ADGRL2: variants seen among roughly 807,000 people sequenced by gnomAD.
The protein encoded by ADGRL2 is calcium-independent alpha-latrotoxin receptor 2.
A neutral mutation model predicts 157.4 loss-of-function variants in ADGRL2; 44 were observed. The ratio of observed to expected loss-of-function variants is 0.28; its 90% CI spans 0.22 to 0.36. The LOEUF is 0.36. ADGRL2 is among the 10% of genes least tolerant of loss of function. ADGRL2 has a pLI of 1.00. For missense variants in ADGRL2, 1,510 were observed against 1,768.9 expected (o/e 0.85, Z 2.63); for synonymous variants, 585 against 624.7 (o/e 0.94, Z 0.95).
chr1:81,470,555 A>G (rs1161626123), intron 2 of ADGRL2, among the ~76,000 whole-genome samples: 1 of 152,266 alleles, frequency 6.6e-6, no homozygotes, highest in Non-Finnish European at 1.5e-5. Flanking sequence ...GCACTTTTCT[A>G]TGACAGCTTT....
At chr1:81,924,134 A>AT (rs1347740251) in intron 3 of ADGRL2, among the ~76,000 whole-genome samples, 1 of 152,158 alleles carries the variant, frequency 6.6e-6, no homozygotes, top group African/African-American at 2.4e-5. Flanking sequence ...TGTGTGGCTG[A>AT]TTCTTCCCGC....
chr1:81,684,724 G>C (rs1358772049), intron 3 of ADGRL2, among the ~76,000 whole-genome samples: 1 of 152,144 alleles, frequency 6.6e-6, no homozygotes, highest in Admixed American at 6.5e-5. Context: ...TGTCTAGAAG[G>C]GTTTTCCCAA....
At position 81,992,862 on chromosome 1, in the gene ADGRL2, A is replaced by G. The variant is rs1330619351; in HGVS notation, c.*1717A>G. 6.6e-6 allele frequency among the ~76,000 whole-genome samples: 1 copy of G among 151,638 alleles called. No individual in the cohort carries two copies. Among genetic ancestry groups the G allele is most frequent in the Admixed American group, 6.6e-5 (1 of 15,178 alleles). ...GTTTTACTCCAAGTTCAAAAATCATATAATTGAATATCAAGAAATAGATGT... is the reference window on the plus strand; with the variant it reads ...GTTTTACTCCAAGTTCAAAAATCATGTAATTGAATATCAAGAAATAGATGT... On this transcript the variant is annotated 3_prime_UTR_variant, in exon 24 of 24. Coordinates refer to ENST00000686636, the MANE Select transcript of ADGRL2 (RefSeq NM_001366006.2).
chr1:81,463,680 C>A (rs1179505890), intron 2 of ADGRL2, among the ~76,000 whole-genome samples: 1 of 152,088 alleles, frequency 6.6e-6, no homozygotes, highest in East Asian at 1.9e-4. Context: ...ATTAGTAAAA[C>A]ATGTAGACAG....
At chr1:81,726,848 A>G (rs537635188) in intron 1 of ADGRL2, among the ~76,000 whole-genome samples, 1 of 152,356 alleles carries the variant, frequency 6.6e-6, no homozygotes, top group East Asian at 1.9e-4. Flanking sequence ...TCAGGCCTGA[A>G]TAAGAATCCA....
intron 1 of ADGRL2, among the ~76,000 whole-genome samples, chr1:81,720,529 G>A (rs966356134): frequency 2.6e-5 from 4 of 151,886 alleles, no homozygotes; most frequent in Admixed American, 6.6e-5. Flanking sequence ...TCACCTGTTC[G>A]TTTTTTTAAA....
At chr1:81,804,723 C>T (rs1328181678) in intron 1 of ADGRL2, among the ~76,000 whole-genome samples, 1 of 152,114 alleles carries the variant, frequency 6.6e-6, no homozygotes, top group South Asian at 2.1e-4. Flanking sequence ...TTTTGGGGTC[C>T]CTTCAGTGTA....
chr1:81,498,379 C>T (rs747468626), intron 2 of ADGRL2, among the ~76,000 whole-genome samples: 25 of 151,810 alleles, frequency 1.6e-4, no homozygotes, highest in Non-Finnish European at 2.9e-4. Flanking sequence ...TTTTTATTAC[C>T]GCTGGTTAAA....
At chr1:81,924,268 G>A (rs533090472) in intron 3 of ADGRL2, among the ~76,000 whole-genome samples, 13 of 152,120 alleles carry the variant, frequency 8.5e-5, no homozygotes, top group Non-Finnish European at 1.5e-4. Context: ...CCTAAGCTCT[G>A]ATAATTTTCT....
At chr1:81,378,043 G>A (rs2076279973) in intron 1 of ADGRL2, among the ~76,000 whole-genome samples, 1 of 152,096 alleles carries the variant, frequency 6.6e-6, no homozygotes, top group African/African-American at 2.4e-5. Context: ...GCTGGGCGTG[G>A]TGGTGCACAC....
chr1:81,838,041 A>G (rs2092370439), intron 2 of ADGRL2, among the ~76,000 whole-genome samples: 1 of 152,016 alleles, frequency 6.6e-6, no homozygotes, highest in Non-Finnish European at 1.5e-5. Flanking sequence ...TTGATTTTAT[A>G]TGTACTTTTA....
chr1:81,682,858 G>A (rs548597682), intron 3 of ADGRL2, among the ~76,000 whole-genome samples: 14 of 152,174 alleles, frequency 9.2e-5, no homozygotes, highest in East Asian at 1.9e-4. Context: ...TGGGCCGGGC[G>A]CAGTGGCTCA....
chr1:81,935,905 G>T (rs2148847286), intron 3 of ADGRL2, among the ~76,000 whole-genome samples: 1 of 151,774 alleles, frequency 6.6e-6, no homozygotes, highest in Middle Eastern at 3.4e-3. Flanking sequence ...GCAAAAACAA[G>T]AAAATAATTC....
chr1:81,351,088 C>T (rs1479893109), intron 1 of ADGRL2, among the ~76,000 whole-genome samples: 1 of 152,134 alleles, frequency 6.6e-6, no homozygotes, highest in Non-Finnish European at 1.5e-5. Flanking sequence ...ACAATGTCCC[C>T]TTAAGCCTTT....
intron 4 of ADGRL2, among the ~76,000 whole-genome samples, chr1:81,937,794 C>G (rs942857089): frequency 3.3e-5 from 5 of 151,660 alleles, no homozygotes; most frequent in Non-Finnish European, 5.9e-5. Flanking sequence ...AATAATGAAA[C>G]TGCTCTTTCC....
chr1:81,633,985 A>G (rs2082063822), intron 3 of ADGRL2, among the ~76,000 whole-genome samples: 1 of 152,178 alleles, frequency 6.6e-6, no homozygotes, highest in Non-Finnish European at 1.5e-5. Context: ...ATTTAAAGCC[A>G]TAAGACTGTA....
At chr1:81,942,927 T>C in intron 5 of ADGRL2, 42 bp from the exon 6 acceptor site, 1 of 1,495,634 alleles carries the variant, frequency 6.7e-7, no homozygotes, top group African/African-American at 1.4e-5. Context: ...CTGTGTAATT[T>C]TTTAACTTGG....
At chr1:81,866,970 G>A (rs552064717) in intron 2 of ADGRL2, among the ~76,000 whole-genome samples, 22 of 152,162 alleles carry the variant, frequency 1.4e-4, no homozygotes, top group African/African-American at 5.1e-4. Flanking sequence ...TGAGCTCAAA[G>A]CACAGAATTT....
At chr1:81,545,109 A>C (rs2148348995) in intron 2 of ADGRL2, among the ~76,000 whole-genome samples, 1 of 152,302 alleles carries the variant, frequency 6.6e-6, no homozygotes, top group African/African-American at 2.4e-5. Flanking sequence ...GAGAAAAAGA[A>C]GGGCTCGACA....
Sources: allele counts gnomAD v4.1 joint callset (sites outside exome capture counted in the v4.1 genomes callset), GRCh38; gene constraint gnomAD v4.1.1; transcripts MANE v1.5; gene names NCBI Gene and HGNC (gene_info 2026-07-23, HGNC 2026-07-21).